SYN1: variants seen among roughly 807,000 people sequenced by gnomAD.
SYN1 encodes the protein synapsin-1.
In SYN1, 8 loss-of-function variants were observed where a neutral mutation model predicts 44.6. The observed-to-expected ratio is 0.18, with a 90% CI of 0.11 to 0.32. SYN1 has a LOEUF of 0.32. Ranked by LOEUF, SYN1 falls within the 10% of genes least tolerant of loss-of-function variation. The pLI, the probability that SYN1 is intolerant of heterozygous loss-of-function variation, is 1.00. For missense variants in SYN1, 451 were observed against 639.4 expected, an observed-to-expected ratio of 0.71 and a Z score of 3.18; for synonymous variants, 275 against 280.1, an observed-to-expected ratio of 0.98 and a Z score of 0.18.
rs752216661 is a variant in SYN1, at chrX:47,613,131, CAAAAAAAAAAAAA to C, written c.378-5946_378-5934del. Among the ~76,000 whole-genome samples, 9 of 37,385 alleles carry C rather than the reference CAAAAAAAAAAAAA, an allele frequency of 2.4e-4. No homozygotes were observed. The East Asian group carries it at 7.3e-3, about 30-fold the overall frequency. The allele number at this position is 37,385 out of a possible 115,157, so 32.5% of individuals were successfully genotyped here. On this transcript the variant is annotated intron_variant, in intron 1 of 12. Transcript: ENST00000295987. Reference sequence around the variant, plus strand: ...GGGCAATAGAGCGAGACTCCGTCTCCAAAAAAAAAAAAAAAAAAAAAAAAAGGGAGGAGCGAGG... The same window carrying C: ...GGGCAATAGAGCGAGACTCCGTCTCCAAAAAAAAAAAAGGGAGGAGCGAGG...
intron 6 of SYN1, among the ~76,000 whole-genome samples, chrX:47,577,148 T>G (rs1229446870): frequency 9.0e-6 from 1 of 110,725 alleles, no homozygotes. Flanking sequence ...CAGGCATGCA[T>G]GTACACACAG....
chrX:47,595,924 C>T (rs1437034126), intron 5 of SYN1, among the ~76,000 whole-genome samples: 1 of 112,323 alleles, frequency 8.9e-6, no homozygotes, highest in African/African-American at 3.2e-5. Context: ...TGGAAATTGA[C>T]CAAGGTTTAC....
In SYN1 at chrX:47,619,424, C is replaced by A; in HGVS notation, c.305G>T (p.Gly102Val). The A allele has an allele frequency of 1.7e-6, 2 of 1,190,939 alleles. No homozygotes were observed. The highest frequency in any genetic ancestry group is 2.2e-6 in the Non-Finnish European group (2 of 890,413). Residue 102 changes from glycine to valine, a missense_variant, in exon 1 of 13, where the codon GGC becomes GTC. Coordinates refer to ENST00000295987, the MANE Select transcript of SYN1 (RefSeq NM_006950.3). Reference protein sequence around the residue: ...AATFSEQVGGGSGGAGRGGAA... With the variant: ...AATFSEQVGGVSGGAGRGGAA... Reference sequence around the variant, plus strand: ...TCCCCCGCGGCCTGCGCCCCCAGAGCCGCCGCCCACCTGCTCGCTGAAGGT... The same window carrying A: ...TCCCCCGCGGCCTGCGCCCCCAGAGACGCCGCCCACCTGCTCGCTGAAGGT...
chrX:47,593,171 G>A (rs183535236), intron 5 of SYN1, among the ~76,000 whole-genome samples: 3 of 109,316 alleles, frequency 2.7e-5, no homozygotes, highest in Admixed American at 2.0e-4. Context: ...TTGGGATTAC[G>A]ATGTAAGCCA....
At chrX:47,590,925 C>T (rs1298620425) in intron 5 of SYN1, among the ~76,000 whole-genome samples, 3 of 112,109 alleles carry the variant, frequency 2.7e-5, no homozygotes, top group Admixed American at 9.4e-5. Flanking sequence ...CAGAGTCTCA[C>T]TCTGTTGCCC....
intron 1 of SYN1, among the ~76,000 whole-genome samples, chrX:47,608,291 G>GAAGGAAGGAAAGAAGGGGAA (rs754915221): frequency 3.5e-5 from 1 of 28,172 alleles, no homozygotes; most frequent in Non-Finnish European, 6.3e-5. Flanking sequence ...AGGAAGGAAG[G>GAAGGAAGGAAAGAAGGGGAA]GGAAGGAAGG....
chrX:47,611,887 C>T (rs973050302), intron 1 of SYN1, among the ~76,000 whole-genome samples: 5 of 111,772 alleles, frequency 4.5e-5, no homozygotes, highest in Non-Finnish European at 7.5e-5. Context: ...CATTGAATCA[C>T]GCACCTTCCA....
intron 5 of SYN1, chrX:47,582,628 C>T (rs1374963340): frequency 2.9e-6 from 1 of 348,734 alleles, no homozygotes; most frequent in South Asian, 2.6e-5. Context: ...GGAAGAGGGT[C>T]GGAGGCTGGA....
At chrX:47,595,813 G>T (rs751540008) in intron 5 of SYN1, among the ~76,000 whole-genome samples, 1 of 111,646 alleles carries the variant, frequency 9.0e-6, no homozygotes, top group Non-Finnish European at 1.9e-5. Context: ...GCCTGGAGGT[G>T]ATGTCAGCAG....
At chrX:47,613,667 T>C (rs1466410935) in intron 1 of SYN1, among the ~76,000 whole-genome samples, 1 of 111,106 alleles carries the variant, frequency 9.0e-6, no homozygotes, top group Non-Finnish European at 1.9e-5. Context: ...TATAGCAAAG[T>C]AAAGGAATGC....
intron 5 of SYN1, among the ~76,000 whole-genome samples, chrX:47,603,937 C>T (rs1395187067): frequency 9.7e-5 from 8 of 82,466 alleles, no homozygotes; most frequent in Admixed American, 6.4e-4. Flanking sequence ...GATGGAGTTT[C>T]GCTCTTGTTG....
In SYN1 at chrX:47,575,174, C is replaced by T. The variant is rs941190653; in HGVS notation, c.1259G>A (p.Arg420Gln). The change falls in exon 10 of 13, where the codon CGG becomes CAG. Residue 420 changes from arginine to glutamine, a missense_variant. Around this residue, in one of 3 missense-constraint regions of SYN1, gnomAD observed 315 missense variants for 451.4 expected, o/e 0.70. Coordinates refer to ENST00000295987, the MANE Select transcript of SYN1 (RefSeq NM_006950.3). ...AGGGGAGGCATCCCGCTGTCGCTGCCGGGGCAGGGCCTGAGCCATCTTGTT... is the reference window on the plus strand; with the variant it reads ...AGGGGAGGCATCCCGCTGTCGCTGCTGGGGCAGGGCCTGAGCCATCTTGTT... ...VVNKMAQALP[R>Q]QRQRDASPGR... 5 of 1,193,846 alleles carry T rather than the reference C, an allele frequency of 4.2e-6. No homozygotes were observed. In the African/African-American group the frequency reaches 5.3e-5, roughly 13 times the overall value.
intron 5 of SYN1, chrX:47,586,674 C>T (rs145224385): frequency 1.4e-5 from 17 of 1,208,417 alleles, no homozygotes; most frequent in African/African-American, 1.7e-5. Context: ...GCAGTCCCTG[C>T]GGTCCCAGAT....
intron 5 of SYN1, among the ~76,000 whole-genome samples, chrX:47,584,395 G>A (rs1045836238): frequency 9.0e-6 from 1 of 111,230 alleles, no homozygotes; most frequent in Non-Finnish European, 1.9e-5. Context: ...AACTGACTTA[G>A]CAAGGCTCTC....
chrX:47,616,038 T>A (rs1425716140), intron 1 of SYN1, among the ~76,000 whole-genome samples: 1 of 111,644 alleles, frequency 9.0e-6, no homozygotes, highest in Non-Finnish European at 1.9e-5. Flanking sequence ...GGAAAAGGCG[T>A]CAGACTGTAT....
intron 5 of SYN1, chrX:47,583,350 T>G (rs2057807872): frequency 4.4e-6 from 5 of 1,125,818 alleles, no homozygotes; most frequent in Non-Finnish European, 5.9e-6. Flanking sequence ...GTGGATGACC[T>G]GCCCAGGTCA....
intron 1 of SYN1, 98 bp from the exon 2 acceptor site, chrX:47,607,296 G>T: frequency 1.4e-6 from 1 of 735,389 alleles, no homozygotes; most frequent in Admixed American, 2.6e-5. Flanking sequence ...TGCTACTAAA[G>T]AAACCACAAA....
chrX:47,580,349 G>GGCTGGGTGCCGTAGCTCACGCAT (rs1422019285), intron 5 of SYN1, among the ~76,000 whole-genome samples: 4 of 109,065 alleles, frequency 3.7e-5, no homozygotes, highest in Admixed American at 2.9e-4. Context: ...AATAGATTTA[G>GGCTGGGTGCCGTAGCTCACGCAT]GCTGGGTGCC....
At position 47,585,381 on chromosome X, in the gene SYN1, G is replaced by A. The variant is rs774595401; in HGVS notation, c.775-7880C>T. On this transcript the variant is annotated intron_variant, in intron 5 of 12. Coordinates refer to ENST00000295987, the MANE Select transcript of SYN1 (RefSeq NM_006950.3). ...TGCCACACCAACCAGTCCCTGGGGC[G>A]CGGCCTAGCAACCACGAGGGGGCGA... is the stretch of plus-strand genomic sequence containing the variant. The A allele has an allele frequency of 4.2e-5, 51 of 1,206,765 alleles. No individual in the cohort carries two copies. The East Asian group carries it at 1.3e-3, about 31-fold the overall frequency.
Sources: allele counts gnomAD v4.1 joint callset (sites outside exome capture counted in the v4.1 genomes callset), GRCh38; gene constraint gnomAD v4.1.1; regional missense constraint gnomAD v4.1.1; transcripts MANE v1.5; gene names NCBI Gene and HGNC (gene_info 2026-07-23, HGNC 2026-07-21).